Variants in ANKS6 observed in about 807,000 individuals in gnomAD.
ANKS6 encodes ankyrin repeat and sterile alpha motif domain containing 6.
Under a neutral mutation model 77.9 loss-of-function variants are expected in ANKS6, and 47 were observed. The observed-to-expected ratio is 0.60, with a 90% CI of 0.48 to 0.77. The LOEUF (loss-of-function observed/expected upper bound fraction) is 0.77. ANKS6 is among the 30% of genes least tolerant of loss of function. The probability of loss-of-function intolerance (pLI) is 0.00; values close to 1 mark genes in which losing one functional copy is unlikely to be tolerated. For missense variants in ANKS6, 1,150 were observed against 1,159.1 expected, an observed-to-expected ratio of 0.99 and a Z score of 0.11; for synonymous variants, 488 against 501.7, an observed-to-expected ratio of 0.97 and a Z score of 0.37.
chr9:98,732,450 G>T lies in ANKS6; in HGVS notation c.*4069C>A. 4 of 1,535,898 alleles carry T rather than the reference G, an allele frequency of 2.6e-6. No individual in the cohort carries two copies. The South Asian group carries it at 3.6e-5, about 14-fold the overall frequency. On this transcript the variant is annotated 3_prime_UTR_variant, in exon 15 of 15. Transcript: ENST00000353234. The stretch of plus-strand genomic sequence containing the variant: ...GGCACATTTGGAGGGCAGGTCCATC[G>T]GCCACTCCTCACTTCTGTGGGCTCC...
intron 1 of ANKS6, among the ~76,000 whole-genome samples, chr9:98,794,754 T>G (rs1835086065): frequency 6.6e-6 from 1 of 152,174 alleles, no homozygotes; most frequent in Non-Finnish European, 1.5e-5. Context: ...CTTGGTGGAT[T>G]GCAGAGATGA....
At chr9:98,787,621 T>C (rs957194490) in intron 2 of ANKS6, among the ~76,000 whole-genome samples, 3 of 152,216 alleles carry the variant, frequency 2.0e-5, no homozygotes, top group African/African-American at 7.2e-5. Context: ...ATAGTTTCCA[T>C]TTATTGGATG....
chr9:98,770,722 G>A (rs1333345668), intron 10 of ANKS6, among the ~76,000 whole-genome samples, 174 bp downstream of exon 10: 1 of 152,114 alleles, frequency 6.6e-6, no homozygotes, highest in Non-Finnish European at 1.5e-5. Flanking sequence ...CCAAGAAAAT[G>A]TGTAAAACTC....
chr9:98,758,642 CTG>C (rs763794476), intron 11 of ANKS6, among the ~76,000 whole-genome samples: 9 of 152,168 alleles, frequency 5.9e-5, no homozygotes, highest in Non-Finnish European at 1.2e-4. Flanking sequence ...GTGCAACTCT[CTG>C]TGTATTTAAA....
chr9:98,745,447 G>C, intron 14 of ANKS6, 112 bp downstream of exon 14: 1 of 979,230 alleles, frequency 1.0e-6, no homozygotes, highest in Non-Finnish European at 1.6e-6. Context: ...GGGAGGTAGT[G>C]AGTGCTTGCT....
In ANKS6 at chr9:98,736,073, T is replaced by G; in HGVS notation, c.*446A>C. On this transcript the variant is annotated 3_prime_UTR_variant, in exon 15 of 15. Transcript: ENST00000353234. ...ACTGCACATCCTGGCCTCCTCTGCA[T>G]CCAGGTGGGGCCACATGACTACCAG... 8.5e-7 allele frequency: 1 copy of G among 1,172,702 alleles called. No individual in the cohort carries two copies. The highest frequency in any genetic ancestry group is 1.1e-6 in the Non-Finnish European group (1 of 949,796). The allele number at this position is 1,172,702 out of a possible 1,614,324, so 72.6% of individuals were successfully genotyped here. A position where few individuals can be genotyped will look rare whatever the true frequency, so the allele number is the denominator to read the frequency against.
chr9:98,779,100 A>C (rs1055154016), intron 6 of ANKS6, among the ~76,000 whole-genome samples: 1 of 152,228 alleles, frequency 6.6e-6, no homozygotes. Context: ...CAATGGACAC[A>C]AAAGGAGCGC....
chr9:98,762,065 T>C (rs1397351986), intron 11 of ANKS6, among the ~76,000 whole-genome samples: 1 of 152,194 alleles, frequency 6.6e-6, no homozygotes, highest in Non-Finnish European at 1.5e-5. Flanking sequence ...TGTTTTGTAG[T>C]TTTTGACCTT....
intron 6 of ANKS6, among the ~76,000 whole-genome samples, chr9:98,778,786 G>C (rs907662911): frequency 2.0e-5 from 3 of 152,224 alleles, no homozygotes; most frequent in Non-Finnish European, 4.4e-5. Flanking sequence ...GATGGACACA[G>C]AGGCAGCTCC....
At chr9:98,794,146 C>A (rs1282084745) in intron 1 of ANKS6, among the ~76,000 whole-genome samples, 6 of 10,028 alleles carry the variant, frequency 6.0e-4, no homozygotes, top group African/African-American at 4.8e-3. Flanking sequence ...GAGACTCCGT[C>A]TCAAAAAAAA....
chr9:98,790,122 T>C lies in ANKS6; in HGVS notation c.844A>G (p.Thr282Ala). The change falls in exon 2 of 15, where the codon ACC becomes GCC. Residue 282 changes from threonine to alanine, a missense_variant. By Grantham distance (58) the Thr-to-Ala change is moderately conservative. Transcript: ENST00000353234. Reference protein sequence around the residue: ...DLVDYLDPLTTVRPKTDEEKR... With the variant: ...DLVDYLDPLTAVRPKTDEEKR... ...GCCTGACCTGTTTTGGGCCTGACGG[T>C]GGTCAGCGGGTCCAGGTAGTCTACA... 2 of 1,566,758 alleles carry C rather than the reference T, an allele frequency of 1.3e-6. No individual in the cohort carries two copies. Among genetic ancestry groups the C allele is most frequent in the Non-Finnish European group, 1.7e-6 (2 of 1,148,132 alleles).
intron 12 of ANKS6, among the ~76,000 whole-genome samples, chr9:98,755,719 C>A (rs1832664920): frequency 6.6e-6 from 1 of 152,210 alleles, no homozygotes; most frequent in Non-Finnish European, 1.5e-5. Context: ...CGCTCCAAAG[C>A]AGACAACTGA....
At position 98,778,281 on chromosome 9, in the gene ANKS6, C is replaced by G. The variant is rs769879927; in HGVS notation, c.1512G>C (p.Gln504His). 1.2e-6 allele frequency: 2 copies of G among 1,614,150 alleles called. No homozygotes were observed. Among genetic ancestry groups the G allele is most frequent in the Middle Eastern group, 1.6e-4 (1 of 6,062 alleles). The change falls in exon 7 of 15, where the codon CAG becomes CAC. Residue 504 changes from glutamine to histidine, a missense_variant. Transcript: ENST00000353234. ...ALDSTMRAAPQDKTSRSALPD... is the reference protein window; with the variant it reads ...ALDSTMRAAPHDKTSRSALPD... The stretch of plus-strand genomic sequence containing the variant: ...GGAGTGCAGAGCGGCTTGTCTTGTC[C>G]TGGGGGGCAGCCCTCATTGTGGAGT...
intron 14 of ANKS6, among the ~76,000 whole-genome samples, chr9:98,740,125 G>A (rs1245581445): frequency 6.6e-6 from 1 of 152,042 alleles, no homozygotes; most frequent in Non-Finnish European, 1.5e-5. Context: ...TGAAAAGGGG[G>A]AAAAATCCAC....
chr9:98,753,633 A>AAT (rs1348006008), intron 12 of ANKS6, among the ~76,000 whole-genome samples: 1 of 150,920 alleles, frequency 6.6e-6, no homozygotes, highest in Non-Finnish European at 1.5e-5. Flanking sequence ...AAAAAAAAAA[A>AAT]GCAAGCCCTG....
intron 6 of ANKS6, among the ~76,000 whole-genome samples, 178 bp downstream of exon 6, chr9:98,780,009 TCA>T (rs2118098710): frequency 6.6e-6 from 1 of 152,268 alleles, no homozygotes; most frequent in Non-Finnish European, 1.5e-5. Flanking sequence ...CACAACATGG[TCA>T]CAGTCTCCCC....
chr9:98,780,391 G>T, intron 5 of ANKS6, 54 bp from the exon 6 acceptor site: 1 of 1,516,630 alleles, frequency 6.6e-7, no homozygotes, highest in Non-Finnish European at 8.9e-7. Context: ...TGGGCCATAA[G>T]GAGAAGACTC....
chr9:98,737,977 A>C (rs1003218243), intron 14 of ANKS6, among the ~76,000 whole-genome samples: 2 of 152,230 alleles, frequency 1.3e-5, no homozygotes, highest in African/African-American at 4.8e-5. Context: ...AAAAACATAA[A>C]GTGGGGAAAG....
Position 98,735,595 on chromosome 9 carries a change from T to A in ANKS6, c.*924A>T. On this transcript the variant is annotated 3_prime_UTR_variant, in exon 15 of 15. Transcript: ENST00000353234. ...AGAGACCTTTACACAATGTGACCCA[T>A]TAGCCTTCTGCTTCCACTTTCAGTG... 2 of 1,231,416 alleles carry A rather than the reference T, an allele frequency of 1.6e-6. No homozygotes were observed. Among genetic ancestry groups the A allele is most frequent in the Non-Finnish European group, 2.0e-6 (2 of 987,886 alleles). The allele number at this position is 1,231,416 out of a possible 1,614,324, so 76.3% of individuals were successfully genotyped here.
Sources: allele counts gnomAD v4.1 joint callset (sites outside exome capture counted in the v4.1 genomes callset), GRCh38; gene constraint gnomAD v4.1.1; transcripts MANE v1.5; gene names NCBI Gene and HGNC (gene_info 2026-07-23, HGNC 2026-07-21).